The following SCAMP1 variants were observed in gnomAD, a reference collection of about 807,000 sequenced individuals.
SCAMP1 encodes secretory carrier-associated membrane protein 1.
SCAMP1 carries 15 observed loss-of-function variants against 41.8 expected under a neutral mutation model. The ratio of observed to expected loss-of-function variants is 0.36; its 90% CI spans 0.24 to 0.55. SCAMP1 has a LOEUF of 0.55. Among genes scored for constraint, SCAMP1 ranks in the 20% least tolerant of loss-of-function variants. The pLI is 0.86. For missense variants in SCAMP1, 341 were observed against 412.6 expected (o/e 0.83, Z 1.50); for synonymous variants, 135 against 136.8 (o/e 0.99, Z 0.09).
At chr5:78,444,990 G>A (rs1306896393) in intron 6 of SCAMP1, among the ~76,000 whole-genome samples, 1 of 152,140 alleles carries the variant, frequency 6.6e-6, no homozygotes, top group Non-Finnish European at 1.5e-5. Flanking sequence ...GTAAATTCAT[G>A]TTCTCTTATC....
At chr5:78,455,418 T>C (rs1207961099) in intron 7 of SCAMP1, among the ~76,000 whole-genome samples, 5 of 127,922 alleles carry the variant, frequency 3.9e-5, no homozygotes, top group African/African-American at 6.3e-5. Flanking sequence ...AACATCTTTA[T>C]TTCTGCCTTC....
At chr5:78,432,438 T>TC (rs1282607379) in intron 6 of SCAMP1, among the ~76,000 whole-genome samples, 1 of 152,148 alleles carries the variant, frequency 6.6e-6, no homozygotes, top group Non-Finnish European at 1.5e-5. Flanking sequence ...CATTTTTTGT[T>TC]CATCTTTGAA....
chr5:78,415,804 A>G (rs1334061507), intron 3 of SCAMP1, among the ~76,000 whole-genome samples, 186 bp downstream of exon 3: 6 of 151,960 alleles, frequency 3.9e-5, no homozygotes, highest in Admixed American at 1.3e-4. Context: ...AGCTTATACC[A>G]TTTGCTTTAT....
chr5:78,365,321 A>C (rs1378225751), intron 1 of SCAMP1, among the ~76,000 whole-genome samples: 1 of 151,794 alleles, frequency 6.6e-6, no homozygotes, highest in Non-Finnish European at 1.5e-5. Context: ...AAAAACACAA[A>C]AAATTAGCTT....
At chr5:78,428,312 A>G (rs1289504587) in intron 6 of SCAMP1, among the ~76,000 whole-genome samples, 8 of 152,172 alleles carry the variant, frequency 5.3e-5, no homozygotes, top group African/African-American at 1.9e-4. Context: ...TAGAAAGACT[A>G]TATTTTGTAA....
intron 2 of SCAMP1, among the ~76,000 whole-genome samples, chr5:78,396,480 G>C (rs1401630148): frequency 1.3e-5 from 2 of 152,198 alleles, no homozygotes; most frequent in Non-Finnish European, 2.9e-5. Flanking sequence ...TTCAGTTTTT[G>C]ACATGTTGGA....
At chr5:78,446,470 TC>T (rs1165085871) in intron 6 of SCAMP1, among the ~76,000 whole-genome samples, 1 of 151,862 alleles carries the variant, frequency 6.6e-6, no homozygotes, top group Non-Finnish European at 1.5e-5. Context: ...TAGTCTGGTT[TC>T]TTGGCACACA....
chr5:78,431,014 G>A (rs28524998), intron 6 of SCAMP1, among the ~76,000 whole-genome samples: 67,470 of 151,628 alleles, frequency 0.44, 15,853 homozygotes, highest in Non-Finnish European at 0.51. Flanking sequence ...GGACTCTTGG[G>A]GCCTTCCTTT....
At chr5:78,383,174 C>T (rs1751253027) in intron 1 of SCAMP1, among the ~76,000 whole-genome samples, 1 of 152,280 alleles carries the variant, frequency 6.6e-6, no homozygotes, top group African/African-American at 2.4e-5. Flanking sequence ...TTTTGCTTTG[C>T]ATTTCCCTGA....
chr5:78,424,842 A>G (rs540597112), intron 6 of SCAMP1, among the ~76,000 whole-genome samples: 2 of 152,332 alleles, frequency 1.3e-5, no homozygotes, highest in East Asian at 3.9e-4. Context: ...AGGCAGCATT[A>G]TTGTTGAATG....
intron 1 of SCAMP1, among the ~76,000 whole-genome samples, chr5:78,383,876 G>A (rs1474862916): frequency 6.6e-6 from 1 of 152,122 alleles, no homozygotes; most frequent in Non-Finnish European, 1.5e-5. Flanking sequence ...AATGCCTCCA[G>A]TTTTGTCCTT....
At chr5:78,382,399 A>G (rs1199034392) in intron 1 of SCAMP1, among the ~76,000 whole-genome samples, 2 of 152,188 alleles carry the variant, frequency 1.3e-5, no homozygotes, top group Non-Finnish European at 2.9e-5. Context: ...ACATACATAT[A>G]CTACAATTTT....
chr5:78,461,483 G>T (rs1437466682), intron 8 of SCAMP1, among the ~76,000 whole-genome samples: 1 of 152,188 alleles, frequency 6.6e-6, no homozygotes, highest in Admixed American at 6.5e-5. Context: ...TCAGTTGGTT[G>T]TAGGTGTGTG....
intron 2 of SCAMP1, 56 bp downstream of exon 2, chr5:78,388,970 T>G (rs2112085634): frequency 1.1e-6 from 1 of 873,068 alleles, no homozygotes; most frequent in Non-Finnish European, 1.8e-6. Flanking sequence ...GAATTCTATT[T>G]TAACTATGAT....
rs868220313 is a variant in SCAMP1 at position 78,430,184 on chromosome 5, T to G, written c.632+8224T>G. On this transcript the variant is annotated intron_variant, in intron 6 of 8. Transcript: ENST00000621999. ...CAGTATTTATTTATAAATACAGTAT[T>G]TATTTATAAATACAGTATTTATTTA... Among the ~76,000 whole-genome samples the G allele has an allele frequency of 1.3e-3, 72 of 57,106 alleles. 6 individuals carry two copies. Among genetic ancestry groups the G allele is most frequent in the African/African-American group, 5.7e-3 (69 of 12,170 alleles). 37.5% of individuals were successfully genotyped at this position (57,106 alleles called of 152,430 possible).
intron 6 of SCAMP1, among the ~76,000 whole-genome samples, chr5:78,431,560 G>T (rs1580690128): frequency 2.9e-5 from 3 of 103,386 alleles, no homozygotes; most frequent in African/African-American, 4.3e-5. Context: ...TGGATCAGTT[G>T]AGTATCTGTT....
intron 8 of SCAMP1, among the ~76,000 whole-genome samples, chr5:78,459,691 TAATA>T (rs1490472657): frequency 6.6e-6 from 1 of 152,226 alleles, no homozygotes; most frequent in Non-Finnish European, 1.5e-5. Flanking sequence ...ATTAGCCTGT[TAATA>T]AATAGAAGTA....
rs538635397 is a variant in SCAMP1, at chr5:78,413,514, C to T, written c.136-2006C>T. Among the ~76,000 whole-genome samples the T allele has an allele frequency of 7.8e-4, 118 of 151,484 alleles. No individual in the cohort carries two copies. The Middle Eastern group carries it at 0.014, about 17-fold the overall frequency. ...CTCACTGCAACCTCTGCCTCCCAGG[C>T]TCAAGCGATTCTCATGCCTCAGCCT... On this transcript the variant is annotated intron_variant, in intron 2 of 8. Transcript: ENST00000621999.
intron 6 of SCAMP1, among the ~76,000 whole-genome samples, chr5:78,429,088 AT>A (rs1466079328): frequency 6.6e-6 from 1 of 152,074 alleles, no homozygotes; most frequent in East Asian, 1.9e-4. Context: ...GCAAATAAAA[AT>A]GTTTGCTTAT....
Sources: allele counts gnomAD v4.1 joint callset (sites outside exome capture counted in the v4.1 genomes callset), GRCh38; gene constraint gnomAD v4.1.1; transcripts MANE v1.5; gene names NCBI Gene and HGNC (gene_info 2026-07-23, HGNC 2026-07-21).